PDPK1: variants seen among roughly 807,000 people sequenced by gnomAD.
PDPK1 encodes the protein 3-phosphoinositide-dependent protein kinase 1.
PDPK1 carries 7 observed loss-of-function variants against 39.8 expected under a neutral mutation model. The observed-to-expected ratio is 0.18, with a 90% CI of 0.10 to 0.33. The LOEUF (loss-of-function observed/expected upper bound fraction) is 0.33. Among genes scored for constraint, PDPK1 ranks in the 10% least tolerant of loss-of-function variants. The pLI is 1.00. For missense variants in PDPK1, 182 were observed against 384.7 expected (o/e 0.47, Z 4.41); for synonymous variants, 118 against 159.1 (o/e 0.74, Z 1.95).
intron 7 of PDPK1, chr16:2,579,273 C>A (rs1368773295): frequency 1.2e-5 from 1 of 85,182 alleles, no homozygotes; most frequent in East Asian, 3.5e-4. Flanking sequence ...ACAGTCCCTC[C>A]CACAGGTGGG....
intron 1 of PDPK1, 125 bp downstream of exon 1, chr16:2,538,261 G>C (rs997262576): frequency 2.6e-4 from 98 of 374,554 alleles, no homozygotes; most frequent in African/African-American, 1.9e-3. Flanking sequence ...ACCTGCAGCC[G>C]GGCGGCCGGG....
chr16:2,551,722 G>T (rs548583200), intron 1 of PDPK1, among the ~76,000 whole-genome samples: 2 of 148,644 alleles, frequency 1.3e-5, no homozygotes, highest in Non-Finnish European at 3.0e-5. Context: ...GCTGGAATGC[G>T]GTGACGCAAT....
chr16:2,587,706 C>T (rs949194141), intron 11 of PDPK1, among the ~76,000 whole-genome samples: 2 of 152,132 alleles, frequency 1.3e-5, no homozygotes, highest in Admixed American at 6.5e-5. Context: ...GACAGGCTTT[C>T]CCTGTGTTGG....
rs376654117 is a variant in PDPK1, at chr16:2,590,900, T to C, written c.1343+4007T>C. On this transcript the variant is annotated intron_variant, in intron 11 of 13. Coordinates refer to ENST00000342085, the MANE Select transcript of PDPK1 (RefSeq NM_002613.5). ...TGGGCTGAAGCATTCCTCTCGCTTA[T>C]GACTTCCCAAAGTGGTGGGATTACA... 4.6e-4 allele frequency among the ~76,000 whole-genome samples: 70 copies of C among 152,150 alleles called. 1 individual carries two copies. The South Asian group carries it at 0.013, about 29-fold the overall frequency.
rs551581361 is a variant in PDPK1, at chr16:2,539,919, C to T, written c.24+1783C>T. On this transcript the variant is annotated intron_variant, in intron 1 of 13. Coordinates refer to ENST00000342085, the MANE Select transcript of PDPK1 (RefSeq NM_002613.5). The stretch of plus-strand genomic sequence containing the variant: ...GACATTTCATATCTGCAGTTTTCTT[C>T]GCATGAGATGGCTTTTTTGCACAAA... Among the ~76,000 whole-genome samples the T allele has an allele frequency of 3.7e-3, 567 of 152,298 alleles. 2 individuals carry two copies. Among genetic ancestry groups the T allele is most frequent in the Non-Finnish European group, 5.6e-3 (382 of 68,030 alleles).
intron 7 of PDPK1, among the ~76,000 whole-genome samples, chr16:2,580,318 CA>C (rs1308677017): frequency 2.1e-5 from 3 of 145,246 alleles, no homozygotes; most frequent in African/African-American, 8.1e-5. Flanking sequence ...ATGCGCCACC[CA>C]ACCTGCATGG....
intron 10 of PDPK1, among the ~76,000 whole-genome samples, chr16:2,586,095 T>C (rs2141991975): frequency 6.6e-6 from 1 of 152,342 alleles, no homozygotes; most frequent in East Asian, 1.9e-4. Flanking sequence ...CTAGCTTGTC[T>C]TTTTCCTAGA....
In PDPK1 at chr16:2,601,514, A is replaced by G. The variant is rs373860725; in HGVS notation, c.*3747A>G. On this transcript the variant is annotated 3_prime_UTR_variant, in exon 14 of 14. Coordinates refer to ENST00000342085, the MANE Select transcript of PDPK1 (RefSeq NM_002613.5). ...ACAATGGTACTGAATTTGCATCTGC[A>G]CAGTCAGCAGAGATAACAAGTGTTG... 10 of 234,506 alleles carry G rather than the reference A, an allele frequency of 4.3e-5. No individual in the cohort carries two copies. Among genetic ancestry groups the G allele is most frequent in the East Asian group, 1.8e-4 (3 of 16,554 alleles). The allele number at this position is 234,506 out of a possible 1,614,324, so 14.5% of individuals were successfully genotyped here. A position where few individuals can be genotyped will look rare whatever the true frequency, so the allele number is the denominator to read the frequency against.
intron 11 of PDPK1, among the ~76,000 whole-genome samples, chr16:2,591,015 T>G (rs529473589): frequency 6.7e-6 from 1 of 149,116 alleles, no homozygotes; most frequent in Admixed American, 6.8e-5. Context: ...CAGGCTGGAG[T>G]GCAGTGGCAC....
intron 7 of PDPK1, chr16:2,578,415 A>T (rs2066759267): frequency 7.2e-6 from 1 of 139,586 alleles, no homozygotes; most frequent in Non-Finnish European, 1.5e-5. Context: ...GTGGGGGAGG[A>T]TGTCCAGGGA....
chr16:2,573,736 A>AG (rs1181378938), intron 6 of PDPK1, among the ~76,000 whole-genome samples: 4 of 133,146 alleles, frequency 3.0e-5, no homozygotes, highest in Non-Finnish European at 4.6e-5. Flanking sequence ...TGTCTCGGGA[A>AG]GAAAAAAAAA....
chr16:2,539,938 G>A (rs570626720), intron 1 of PDPK1, among the ~76,000 whole-genome samples: 2 of 152,268 alleles, frequency 1.3e-5, no homozygotes, highest in East Asian at 3.9e-4. Flanking sequence ...TGGCTTTTTT[G>A]CACAAAAACA....
chr16:2,551,618 C>T (rs563720659), intron 1 of PDPK1, among the ~76,000 whole-genome samples: 1 of 150,040 alleles, frequency 6.7e-6, no homozygotes, highest in Non-Finnish European at 1.5e-5. Context: ...TGTTCATCTG[C>T]GTGACAGCAT....
chr16:2,544,691 C>G (rs1334905173), intron 1 of PDPK1, among the ~76,000 whole-genome samples: 1 of 151,926 alleles, frequency 6.6e-6, no homozygotes, highest in African/African-American at 2.4e-5. Context: ...TCACACCATT[C>G]TCCTGCCTCA....
Position 2,539,109 on chromosome 16 carries a change from C to T in PDPK1, c.24+973C>T, listed in dbSNP as rs184554479. ...TTTTTTTTTTTTTTTGATGGAGTCTCCCTCTCGACGCGCAGGCTGGAGTGC... is the reference window on the plus strand; with the variant it reads ...TTTTTTTTTTTTTTTGATGGAGTCTTCCTCTCGACGCGCAGGCTGGAGTGC... On this transcript the variant is annotated intron_variant, in intron 1 of 13. Coordinates refer to ENST00000342085, the MANE Select transcript of PDPK1 (RefSeq NM_002613.5). 1.0e-3 allele frequency: 208 copies of T among 204,510 alleles called. 2 individuals are homozygous for T. Among genetic ancestry groups the T allele is most frequent in the African/African-American group, 5.6e-3 (202 of 35,856 alleles). The allele number at this position is 204,510 out of a possible 1,614,324, so 12.7% of individuals were successfully genotyped here.
intron 11 of PDPK1, among the ~76,000 whole-genome samples, chr16:2,590,332 G>A (rs2066964097): frequency 6.6e-6 from 1 of 152,180 alleles, no homozygotes; most frequent in African/African-American, 2.4e-5. Flanking sequence ...ATGACTTGAG[G>A]CCATGGCACC....
intron 7 of PDPK1, among the ~76,000 whole-genome samples, chr16:2,577,939 A>C (rs867112751): frequency 0.028 from 4,065 of 147,608 alleles, 140 homozygotes; most frequent in African/African-American, 0.099. Context: ...GGGTTTCACC[A>C]TGTTGGCTAG....
chr16:2,592,726 G>C (rs534047530), intron 11 of PDPK1: 8 of 452,356 alleles, frequency 1.8e-5, no homozygotes, highest in African/African-American at 1.0e-4. Context: ...GCAAGGAGCT[G>C]TTTCTGTCGT....
rs1430041489 is a variant in PDPK1 at position 2,597,092 on chromosome 16, T to A, written c.1402-31T>A. The stretch of plus-strand genomic sequence containing the variant: ...AGGAGATGCCGTCAGCACTGGCCTC[T>A]GAGGCCTGTTGTTTTGTGTTTTGGC... On this transcript the variant is annotated intron_variant, in intron 12 of 13. Transcript: ENST00000342085. This position sits in a 1 kb window ranked among gnomAD's most constrained non-coding sequence, Gnocchi z 6.3. 6.5e-7 allele frequency: 1 copy of A among 1,529,078 alleles called. No homozygotes were observed. The highest frequency in any genetic ancestry group is 1.9e-5 in the Admixed American group (1 of 53,126). 94.7% of individuals were successfully genotyped at this position (1,529,078 alleles called of 1,614,324 possible).
Sources: allele counts gnomAD v4.1 joint callset (sites outside exome capture counted in the v4.1 genomes callset), GRCh38; gene constraint gnomAD v4.1.1; non-coding constraint Gnocchi (gnomAD v3.1); transcripts MANE v1.5; gene names NCBI Gene and HGNC (gene_info 2026-07-23, HGNC 2026-07-21).